Variants in VEPH1 observed in about 807,000 individuals in gnomAD.
The protein encoded by VEPH1 is ventricular zone expressed PH domain containing 1, also known as ventricular zone-expressed PH domain-containing protein homolog 1.
In VEPH1, 80 loss-of-function variants were observed where a neutral mutation model predicts 85.2. The ratio of observed to expected loss-of-function variants is 0.94; its 90% CI spans 0.78 to 1.13. VEPH1 has a LOEUF of 1.13. Among genes scored for constraint, VEPH1 ranks in the 50% most tolerant of loss-of-function variants. The pLI is 0.00. For missense variants in VEPH1, 955 were observed against 980.5 expected, an observed-to-expected ratio of 0.97 and a Z score of 0.35; for synonymous variants, 297 against 348.0, an observed-to-expected ratio of 0.85 and a Z score of 1.63.
In VEPH1 at chr3:157,363,159, A is replaced by G; in HGVS notation, c.1735+205T>C. ...AGAGTCAGTGGACTTATGTGCACCC[A>G]AGTAGATTCAAATGGGAATCAAGAT... On this transcript the variant is annotated intron_variant, in intron 9 of 13. Coordinates refer to ENST00000362010, the MANE Select transcript of VEPH1 (RefSeq NM_001167912.2). 8.7e-6 allele frequency: 4 copies of G among 460,344 alleles called. No homozygotes were observed. The South Asian group carries it at 1.8e-4, about 21-fold the overall frequency. The allele number at this position is 460,344 out of a possible 1,614,324, so 28.5% of individuals were successfully genotyped here.
chr3:157,486,497 A>G (rs557739434), intron 2 of VEPH1, among the ~76,000 whole-genome samples: 244 of 151,720 alleles, frequency 1.6e-3, no homozygotes, highest in African/African-American at 5.6e-3. Flanking sequence ...AAAAAAAAAA[A>G]AAAGAGGCAG....
intron 2 of VEPH1, among the ~76,000 whole-genome samples, chr3:157,481,891 T>G (rs763323073): frequency 2.7e-5 from 4 of 149,294 alleles, no homozygotes; most frequent in Non-Finnish European, 4.5e-5. Context: ...AAAACATTGC[T>G]AAGTTTTTGA....
At chr3:157,457,911 A>G (rs1735516205) in intron 4 of VEPH1, among the ~76,000 whole-genome samples, 1 of 152,048 alleles carries the variant, frequency 6.6e-6, no homozygotes, top group Admixed American at 6.6e-5. Context: ...CTCCTCCTCA[A>G]TTTTTTGGAA....
chr3:157,473,786 A>C (rs1737201036), intron 2 of VEPH1, among the ~76,000 whole-genome samples: 1 of 152,182 alleles, frequency 6.6e-6, no homozygotes, highest in South Asian at 2.1e-4. Flanking sequence ...TTACAATATT[A>C]AAGAGGTATC....
chr3:157,355,950 A>C (rs914895249), intron 9 of VEPH1, among the ~76,000 whole-genome samples: 2 of 151,378 alleles, frequency 1.3e-5, no homozygotes, highest in South Asian at 4.2e-4. Context: ...CCCAGGCTGA[A>C]GGGCAGTGGT....
chr3:157,445,812 A>G (rs1734503566), intron 4 of VEPH1, among the ~76,000 whole-genome samples: 1 of 152,158 alleles, frequency 6.6e-6, no homozygotes, highest in South Asian at 2.1e-4. Context: ...AAACAACAAC[A>G]ACAGCAACAA....
At chr3:157,466,714 C>T (rs1736409734) in intron 3 of VEPH1, among the ~76,000 whole-genome samples, 1 of 152,160 alleles carries the variant, frequency 6.6e-6, no homozygotes, top group Admixed American at 6.5e-5. Context: ...AAGCTCTTTG[C>T]TATTCTATTC....
intron 9 of VEPH1, among the ~76,000 whole-genome samples, chr3:157,347,438 T>C (rs1265279647): frequency 6.6e-6 from 1 of 152,232 alleles, no homozygotes; most frequent in Non-Finnish European, 1.5e-5. Context: ...TACCAGCGCC[T>C]GCTACATGAA....
chr3:157,432,716 C>CT (rs927634438), intron 4 of VEPH1, among the ~76,000 whole-genome samples: 2 of 152,034 alleles, frequency 1.3e-5, no homozygotes, highest in Non-Finnish European at 2.9e-5. Context: ...ACTTCCTGAC[C>CT]TCCTACTTCT....
At chr3:157,313,321 A>G (rs998272997) in intron 11 of VEPH1, among the ~76,000 whole-genome samples, 1 of 151,958 alleles carries the variant, frequency 6.6e-6, no homozygotes, top group African/African-American at 2.4e-5. Flanking sequence ...GATAAAAGTC[A>G]CCACACCCAG....
rs1728715121 is a variant in VEPH1, at chr3:157,381,151, C to T, written c.1127+5G>A. On this transcript the variant is annotated splice_donor_5th_base_variant and intron_variant, in intron 7 of 13. Coordinates refer to ENST00000362010, the MANE Select transcript of VEPH1 (RefSeq NM_001167912.2). The stretch of plus-strand genomic sequence containing the variant: ...TCCCTGAGGTACACAGAAGCTCTTG[C>T]TCACCTGCCACTTCCAGCCTTGGTA... 1 of 1,612,858 alleles carries T rather than the reference C, an allele frequency of 6.2e-7. No homozygotes were observed. The highest frequency in any genetic ancestry group is 8.5e-7 in the Non-Finnish European group (1 of 1,179,970).
chr3:157,337,568 G>A (rs1004545684), intron 9 of VEPH1, among the ~76,000 whole-genome samples: 25 of 152,224 alleles, frequency 1.6e-4, no homozygotes, highest in African/African-American at 5.5e-4. Flanking sequence ...ATTTCTAAAA[G>A]TGGTAAAATG....
intron 6 of VEPH1, among the ~76,000 whole-genome samples, chr3:157,404,662 C>A (rs1731019531): frequency 6.6e-6 from 1 of 152,106 alleles, no homozygotes; most frequent in Non-Finnish European, 1.5e-5. Flanking sequence ...AACACCAACT[C>A]CCATCACTGG....
chr3:157,359,784 T>G (rs139123408), intron 9 of VEPH1, among the ~76,000 whole-genome samples: 1 of 152,256 alleles, frequency 6.6e-6, no homozygotes, highest in Non-Finnish European at 1.5e-5. Context: ...TATTTTTATA[T>G]GTCAAAACAG....
intron 6 of VEPH1, among the ~76,000 whole-genome samples, chr3:157,391,989 C>T (rs1729902475): frequency 1.3e-5 from 2 of 152,106 alleles, no homozygotes; most frequent in Admixed American, 1.3e-4. Flanking sequence ...ACTAAAGCTT[C>T]ATAAATGAAG....
chr3:157,273,853 C>T (rs1380329806), intron 12 of VEPH1, among the ~76,000 whole-genome samples: 1 of 152,174 alleles, frequency 6.6e-6, no homozygotes, highest in East Asian at 1.9e-4. Flanking sequence ...ATGTCTTTAA[C>T]CAATTATAAT....
chr3:157,414,079 C>A lies in VEPH1; in HGVS notation c.708G>T (p.Lys236Asn), dbSNP rs952882315. The A allele has an allele frequency of 3.7e-6, 6 of 1,609,182 alleles. No homozygotes were observed. The highest frequency in any genetic ancestry group is 4.2e-6 in the Non-Finnish European group (5 of 1,177,006). Residue 236 changes from lysine to asparagine, a missense_variant, in exon 6 of 14, where the codon AAG (lysine) becomes AAT (asparagine). Transcript: ENST00000362010. ...AKKKQLEVVQ[K>N]CIPFLIGHLK... The stretch of plus-strand genomic sequence containing the variant: ...AATGCCCAATTAGGAAAGGAATACA[C>A]TTCTGAACTACCTATAAAGAGAGAG...
intron 4 of VEPH1, chr3:157,442,239 A>C: frequency 1.1e-6 from 1 of 876,002 alleles, no homozygotes; most frequent in Non-Finnish European, 1.7e-6. Flanking sequence ...CTTAAGTCGT[A>C]ATGTAGGGTT....
intron 9 of VEPH1, among the ~76,000 whole-genome samples, chr3:157,358,917 A>C (rs949292844): frequency 6.6e-6 from 1 of 152,100 alleles, no homozygotes; most frequent in African/African-American, 2.4e-5. Context: ...AATCACTTCA[A>C]CCAGTGAGTC....
Sources: gnomAD v4.1 joint callset for allele counts (sites outside exome capture counted in the v4.1 genomes callset) on GRCh38, gnomAD v4.1.1 for gene constraint, MANE v1.5 for transcripts, NCBI Gene and HGNC (gene_info 2026-07-23, HGNC 2026-07-21) for gene names.